Variants in PLA2G4A observed in about 807,000 individuals in gnomAD.
PLA2G4A encodes the protein cytosolic phospholipase A2.
PLA2G4A carries 40 observed loss-of-function variants against 81.9 expected under a neutral mutation model. The ratio of observed to expected loss-of-function variants is 0.49; its 90% CI spans 0.38 to 0.64. The LOEUF (loss-of-function observed/expected upper bound fraction) is 0.64, where lower values mean the gene tolerates loss of function less well. Ranked by LOEUF, PLA2G4A falls within the 30% of genes least tolerant of loss-of-function variation. The pLI is 0.00. For missense variants in PLA2G4A, 715 were observed against 905.1 expected, an observed-to-expected ratio of 0.79 and a Z score of 2.69; for synonymous variants, 302 against 296.9, an observed-to-expected ratio of 1.02 and a Z score of -0.18.
At chr1:186,925,243 A>G (rs1655506771) in intron 7 of PLA2G4A, among the ~76,000 whole-genome samples, 2 of 152,154 alleles carry the variant, frequency 1.3e-5, no homozygotes, top group South Asian at 4.1e-4. Flanking sequence ...AAATCTGAAC[A>G]CAAAGTTTTG....
intron 2 of PLA2G4A, among the ~76,000 whole-genome samples, chr1:186,864,701 T>C (rs1382419920): frequency 1.3e-5 from 2 of 151,332 alleles, no homozygotes; most frequent in African/African-American, 2.4e-5. Flanking sequence ...CCTTATATAT[T>C]CTGGATACCA....
intron 12 of PLA2G4A, among the ~76,000 whole-genome samples, chr1:186,949,374 A>C (rs1367241228): frequency 1.6e-4 from 2 of 12,286 alleles, no homozygotes; most frequent in East Asian, 0.048. Context: ...AAGAAAGAAA[A>C]GAAAGAAAGA....
chr1:186,929,683 C>A lies in PLA2G4A; in HGVS notation c.559-3080C>A, dbSNP rs750568121. On this transcript the variant is annotated intron_variant, in intron 7 of 17. Coordinates refer to ENST00000367466, the MANE Select transcript of PLA2G4A (RefSeq NM_024420.3). ...ATAATAGCTTTGTTATGTGGCAGACCCAACTTTGACTCCAAATACCACTTT... is the reference window on the plus strand; with the variant it reads ...ATAATAGCTTTGTTATGTGGCAGACACAACTTTGACTCCAAATACCACTTT... 8.6e-5 allele frequency among the ~76,000 whole-genome samples: 13 copies of A among 151,968 alleles called. 1 individual carries two copies. The highest frequency in any genetic ancestry group is 7.2e-4 in the Admixed American group (11 of 15,248).
chr1:186,887,435 G>T (rs1558402584), intron 3 of PLA2G4A, among the ~76,000 whole-genome samples: 1 of 152,120 alleles, frequency 6.6e-6, no homozygotes, highest in Non-Finnish European at 1.5e-5. Flanking sequence ...TTAGTAGTAA[G>T]TTTTACCACC....
intron 15 of PLA2G4A, among the ~76,000 whole-genome samples, chr1:186,966,536 T>G (rs913841727): frequency 2.6e-5 from 4 of 152,192 alleles, no homozygotes; most frequent in Admixed American, 1.3e-4. Context: ...GGTTAACTTG[T>G]GAGGATAAAA....
At chr1:186,844,348 G>T (rs1652095189) in intron 1 of PLA2G4A, among the ~76,000 whole-genome samples, 1 of 152,122 alleles carries the variant, frequency 6.6e-6, no homozygotes. Context: ...TCACTTAAAA[G>T]CTTAAAACTT....
At chr1:186,848,796 C>G (rs1473676) in intron 1 of PLA2G4A, among the ~76,000 whole-genome samples, 1 of 151,770 alleles carries the variant, frequency 6.6e-6, no homozygotes, top group African/African-American at 2.4e-5. Context: ...GAGAGAGAAA[C>G]TAGACTTGGA....
In PLA2G4A at chr1:186,977,728, T is replaced by G. The variant is rs200799672; in HGVS notation, c.1900T>G (p.Cys634Gly). Residue 634 changes from cysteine (C) to glycine (G), a missense_variant, in exon 16 of 18, where the codon TGC becomes GGC. Coordinates refer to ENST00000367466, the MANE Select transcript of PLA2G4A (RefSeq NM_024420.3). ...CAAGAATCCTGATATGGAGAAAGATTGCCCAACCATCATCCACTTTGTTCT... is the reference window on the plus strand; with the variant it reads ...CAAGAATCCTGATATGGAGAAAGATGGCCCAACCATCATCCACTTTGTTCT... ...KPKNPDMEKD[C>G]PTIIHFVLAN... 1 of 1,613,886 alleles carries G rather than the reference T, an allele frequency of 6.2e-7. No individual in the cohort carries two copies. The highest frequency in any genetic ancestry group is 8.5e-7 in the Non-Finnish European group (1 of 1,179,784).
At chr1:186,934,440 G>GCACACA (rs148141099) in intron 8 of PLA2G4A, among the ~76,000 whole-genome samples, 1,666 of 70,988 alleles carry the variant, frequency 0.023, 68 homozygotes, top group African/African-American at 0.048. Context: ...TTTTAAATGT[G>GCACACA]CACATATATA....
At chr1:186,852,288 G>A (rs976964480) in intron 1 of PLA2G4A, among the ~76,000 whole-genome samples, 1 of 151,920 alleles carries the variant, frequency 6.6e-6, no homozygotes, top group Non-Finnish European at 1.5e-5. Context: ...CAGCGGTTTT[G>A]CCAATTTTAA....
intron 3 of PLA2G4A, among the ~76,000 whole-genome samples, chr1:186,888,288 G>T (rs771594104): frequency 1.3e-5 from 2 of 152,094 alleles, no homozygotes; most frequent in Non-Finnish European, 2.9e-5. Flanking sequence ...ATTAGAATTT[G>T]TTAAAAATAT....
At chr1:186,863,376 A>T (rs1652885106) in intron 2 of PLA2G4A, among the ~76,000 whole-genome samples, 1 of 152,158 alleles carries the variant, frequency 6.6e-6, no homozygotes, top group Non-Finnish European at 1.5e-5. Context: ...ACACATAGTA[A>T]TTATATATAT....
At chr1:186,887,224 C>T (rs1653968768) in intron 3 of PLA2G4A, among the ~76,000 whole-genome samples, 2 of 151,788 alleles carry the variant, frequency 1.3e-5, no homozygotes, top group African/African-American at 2.4e-5. Context: ...TAACAAATTA[C>T]TTGTAATCTG....
chr1:186,861,791 G>T (rs1652812151), intron 2 of PLA2G4A, among the ~76,000 whole-genome samples: 1 of 151,844 alleles, frequency 6.6e-6, no homozygotes, highest in Non-Finnish European at 1.5e-5. Context: ...CCAGACTGTT[G>T]GTTCTTCACC....
At chr1:186,864,191 A>G (rs1286350604) in intron 2 of PLA2G4A, among the ~76,000 whole-genome samples, 4 of 152,074 alleles carry the variant, frequency 2.6e-5, no homozygotes, top group East Asian at 3.8e-4. Flanking sequence ...TTATTTATCC[A>G]TTCATCCATT....
intron 5 of PLA2G4A, among the ~76,000 whole-genome samples, chr1:186,900,243 C>T (rs1654488818): frequency 6.6e-6 from 1 of 152,114 alleles, no homozygotes; most frequent in South Asian, 2.1e-4. Flanking sequence ...ATCTTTTCTG[C>T]CTTTGCCGTG....
intron 1 of PLA2G4A, among the ~76,000 whole-genome samples, chr1:186,846,248 A>G (rs1031519280): frequency 2.6e-5 from 4 of 152,202 alleles, no homozygotes; most frequent in Admixed American, 2.0e-4. Context: ...ACGGCTGCCT[A>G]TTCCTAACTG....
At chr1:186,892,592 A>T (rs1282434569) in intron 3 of PLA2G4A, among the ~76,000 whole-genome samples, 1 of 152,176 alleles carries the variant, frequency 6.6e-6, no homozygotes, top group Non-Finnish European at 1.5e-5. Flanking sequence ...TTTGTCAAAA[A>T]TGAGTTCACA....
At chr1:186,869,878 T>A (rs1653189582) in intron 2 of PLA2G4A, among the ~76,000 whole-genome samples, 1 of 152,218 alleles carries the variant, frequency 6.6e-6, no homozygotes, top group South Asian at 2.1e-4. Flanking sequence ...TTATTATGTT[T>A]ATGCAAGGTG....
Sources: allele counts gnomAD v4.1 joint callset (sites outside exome capture counted in the v4.1 genomes callset), GRCh38; gene constraint gnomAD v4.1.1; transcripts MANE v1.5; gene names NCBI Gene and HGNC (gene_info 2026-07-23, HGNC 2026-07-21).